The following DACT2 variants were observed in gnomAD, a reference collection of about 807,000 sequenced individuals.
The protein encoded by DACT2 is dapper homolog 2.
DACT2 carries 20 observed loss-of-function variants against 22.2 expected under a neutral mutation model. The observed-to-expected ratio is 0.90, with a 90% CI of 0.63 to 1.31. The LOEUF (loss-of-function observed/expected upper bound fraction) is 1.31. DACT2 is among the 50% of genes most tolerant of loss of function. DACT2 has a pLI of 0.00. For missense variants in DACT2, 1,048 were observed against 1,061.4 expected (o/e 0.99, Z 0.18); for synonymous variants, 463 against 479.8 (o/e 0.96, Z 0.46).
chr6:168,293,480 A>G (rs1778947173), exon 6 of DACT2: 1 of 164,450 alleles, frequency 6.1e-6, no homozygotes. Flanking sequence ...AGGGGCTTTA[A>G]AAAAAAATAA....
exon 6 of DACT2, chr6:168,293,038 A>G (rs1433967848): frequency 6.6e-6 from 1 of 152,212 alleles, no homozygotes; most frequent in Non-Finnish European, 1.5e-5. Flanking sequence ...GACACATTGT[A>G]AATAATTGAA....
At chr6:168,294,726 T>A (rs939765832) in intron 3 of DACT2, 4 of 1,374,112 alleles carry the variant, frequency 2.9e-6, no homozygotes, top group Non-Finnish European at 9.6e-7. Context: ...AAAATGCAAA[T>A]GTGCGTGAGA....
chr6:168,294,994 G>C (rs1012077095), intron 3 of DACT2, among the ~76,000 whole-genome samples: 1 of 152,192 alleles, frequency 6.6e-6, no homozygotes, highest in Admixed American at 6.5e-5. Flanking sequence ...ACCGAGTCTT[G>C]CTTGTGGAAC....
downstream of DACT2, among the ~76,000 whole-genome samples, chr6:168,305,966 T>C (rs1349243604): frequency 6.6e-6 from 1 of 152,202 alleles, no homozygotes; most frequent in Non-Finnish European, 1.5e-5. Flanking sequence ...TGGGAAATGC[T>C]TGCATTTTCT....
In DACT2 at chr6:168,319,589, G is replaced by T; in HGVS notation, c.45C>A (p.Arg15=). The change falls in exon 1 of 4, where the codon CGC becomes CGA. Residue 15 remains arginine (R), a synonymous_variant. Coordinates refer to ENST00000366795, the MANE Select transcript of DACT2 (RefSeq NM_214462.5). The stretch of plus-strand genomic sequence containing the variant: ...CGCGCAACCTCGCGCCCAACCTACG[G>T]CGGTCCCAGCCCGCGGACCCCGGGG... ...GGPPGSAGWD[R]RRLGARLRAA... The T allele has an allele frequency of 7.3e-7, 1 of 1,364,638 alleles. No individual in the cohort carries two copies. Among genetic ancestry groups the T allele is most frequent in the South Asian group, 1.6e-5 (1 of 61,752 alleles). The allele number at this position is 1,364,638 out of a possible 1,614,324, so 84.5% of individuals were successfully genotyped here. A position where few individuals can be genotyped will look rare whatever the true frequency, so the allele number is the denominator to read the frequency against.
chr6:168,315,804 A>C (rs973044640), intron 1 of DACT2, among the ~76,000 whole-genome samples: 2 of 152,212 alleles, frequency 1.3e-5, no homozygotes, highest in African/African-American at 4.8e-5. Context: ...AATGATGACC[A>C]ATGGACAGGT....
At chr6:168,310,112 C>T (rs777968235) in intron 3 of DACT2, 56 bp downstream of exon 3, 81 of 1,538,284 alleles carry the variant, frequency 5.3e-5, no homozygotes, top group Non-Finnish European at 6.1e-5. Context: ...GGGGACTGCA[C>T]TCTGCCATCC....
At position 168,308,872 on chromosome 6, in the gene DACT2, G is replaced by T. The variant is rs749030019; in HGVS notation, c.885C>A (p.Thr295=). ...GGAACGAGGGGCCACCTCTCTGTGGGGTTTCCTTAGTCAGGACAAACAGGG... is the reference window on the plus strand; with the variant it reads ...GGAACGAGGGGCCACCTCTCTGTGGTGTTTCCTTAGTCAGGACAAACAGGG... The part of the protein sequence containing the change: ...QSPLFVLTKE[T]PQRGGPSFPR... The change falls in exon 4 of 4, where the codon ACC becomes ACA. Residue 295 remains threonine (T), a synonymous_variant. Transcript: ENST00000366795. 1.3e-6 allele frequency: 2 copies of T among 1,551,032 alleles called. No homozygotes were observed. Among genetic ancestry groups the T allele is most frequent in the Admixed American group, 2.0e-5 (1 of 50,980 alleles).
rs372636178 is a variant in DACT2 at position 168,307,749 on chromosome 6, A to C, written c.2008T>G (p.Cys670Gly). Reference sequence around the variant, plus strand: ...ATGACTGACGGGAACCGCGGGTCACACTCGGCCGAGTGCTTGGAGGGCTCT... The same window carrying C: ...ATGACTGACGGGAACCGCGGGTCACCCTCGGCCGAGTGCTTGGAGGGCTCT... The part of the protein sequence containing the change: ...DSEPSKHSAE[C>G]DPRFPSVIPE... Residue 670 changes from cysteine (C) to glycine (G), a missense_variant, in exon 4 of 4, where the codon TGT (cysteine) becomes GGT (glycine). Coordinates refer to ENST00000366795, the MANE Select transcript of DACT2 (RefSeq NM_214462.5). This position sits in a 1 kb window ranked among gnomAD's most constrained non-coding sequence, Gnocchi z 5.3. 6.5e-7 allele frequency: 1 copy of C among 1,547,830 alleles called. No individual in the cohort carries two copies. Among genetic ancestry groups the C allele is most frequent in the African/African-American group, 1.4e-5 (1 of 72,936 alleles).
chr6:168,311,560 T>TACACACACA lies in DACT2; in HGVS notation c.247-277_247-276insTGTGTGTGT, dbSNP rs1562498431. Among the ~76,000 whole-genome samples, 4 of 37,450 alleles carry TACACACACA rather than the reference T, an allele frequency of 1.1e-4. 1 individual carries two copies. The highest frequency in any genetic ancestry group is 2.6e-3 in the East Asian group (2 of 756). 24.6% of individuals were successfully genotyped at this position (37,450 alleles called of 152,430 possible). A position where few individuals can be genotyped will look rare whatever the true frequency, so the allele number is the denominator to read the frequency against. On this transcript the variant is annotated intron_variant, in intron 1 of 3. Coordinates refer to ENST00000366795, the MANE Select transcript of DACT2 (RefSeq NM_214462.5). Reference sequence around the variant, plus strand: ...CCCATCCACACACACATACACACACTCACACACAAACACACACACCCATCC... The same window carrying TACACACACA: ...CCCATCCACACACACATACACACACTACACACACACACACACAAACACACACACCCATCC...
chr6:168,313,463 C>T (rs535334199), intron 1 of DACT2, among the ~76,000 whole-genome samples: 2 of 152,212 alleles, frequency 1.3e-5, no homozygotes, highest in Admixed American at 6.5e-5. Flanking sequence ...CCTTACCCTG[C>T]ACACTTTTAC....
At chr6:168,312,689 A>C (rs1243560917) in intron 1 of DACT2, among the ~76,000 whole-genome samples, 5 of 152,224 alleles carry the variant, frequency 3.3e-5, no homozygotes, top group African/African-American at 1.2e-4. Context: ...TAATTAATGA[A>C]TGTAATTATG....
downstream of DACT2, among the ~76,000 whole-genome samples, chr6:168,306,123 C>T (rs1410221385): frequency 2.0e-5 from 3 of 152,210 alleles, no homozygotes; most frequent in Non-Finnish European, 4.4e-5. Flanking sequence ...GAATATTTCA[C>T]GCCTCCTTCC....
In DACT2 at chr6:168,319,432, C is replaced by T; in HGVS notation, c.202G>A (p.Glu68Lys). Residue 68 changes from glutamate to lysine, a missense_variant, in exon 1 of 4, where the codon GAG (glutamate) becomes AAG (lysine). Coordinates refer to ENST00000366795, the MANE Select transcript of DACT2 (RefSeq NM_214462.5). ...PCGPHGLHGP[E>K]QQLEAALAAL... is the part of the protein sequence containing the mutation. ...GCCAGCGCCGCCTCCAGCTGCTGCT[C>T]GGGGCCGTGGAGGCCGTGGGGGCCG... The T allele has an allele frequency of 1.7e-6, 2 of 1,204,434 alleles. No individual in the cohort carries two copies. The highest frequency in any genetic ancestry group is 2.1e-6 in the Non-Finnish European group (2 of 970,938). 74.6% of individuals were successfully genotyped at this position (1,204,434 alleles called of 1,614,324 possible). A position where few individuals can be genotyped will look rare whatever the true frequency, so the allele number is the denominator to read the frequency against.
chr6:168,304,429 C>T (rs564450679), downstream of DACT2, among the ~76,000 whole-genome samples: 16 of 152,362 alleles, frequency 1.1e-4, no homozygotes, highest in East Asian at 5.8e-4. Flanking sequence ...AGCACCCTGT[C>T]GTCAGCCCTC....
intron 3 of DACT2, chr6:168,300,337 T>A (rs1779082209): frequency 6.6e-6 from 1 of 152,188 alleles, no homozygotes; most frequent in Non-Finnish European, 1.5e-5. Flanking sequence ...GGAAGGAAGC[T>A]CTCTCTCTCC....
chr6:168,311,963 T>C (rs13207327), intron 1 of DACT2, among the ~76,000 whole-genome samples: 99,457 of 151,994 alleles, frequency 0.65, 33,940 homozygotes, highest in East Asian at 0.94. Context: ...CTCTGGGTCC[T>C]TGGTGCCTGG....
At position 168,308,589 on chromosome 6, in the gene DACT2, C is replaced by T; in HGVS notation, c.1168G>A (p.Gly390Arg). 1.3e-6 allele frequency: 2 copies of T among 1,543,330 alleles called. No individual in the cohort carries two copies. Among genetic ancestry groups the T allele is most frequent in the South Asian group, 1.2e-5 (1 of 83,732 alleles). The change falls in exon 4 of 4, where the codon GGA (glycine) becomes AGA (arginine). Residue 390 changes from glycine (G) to arginine (R), a missense_variant. Transcript: ENST00000366795. The stretch of plus-strand genomic sequence containing the variant: ...GCACCCCTGCTCTGAGCTGGCCCTC[C>T]CTCGTCCTCCCTCCCTGGGGCGAAG... ...LVFAPGREDE[G>R]GPAQSRGAGR...
chr6:168,314,590 C>T lies in DACT2; in HGVS notation c.247-3306G>A, dbSNP rs147414037. On this transcript the variant is annotated intron_variant, in intron 1 of 3. Transcript: ENST00000366795. ...CCCTTTCTTTGCAATGCATTCTTTA[C>T]GCACCACAAGAGAATGACCTGATTT... Among the ~76,000 whole-genome samples, 8 of 152,324 alleles carry T rather than the reference C, an allele frequency of 5.3e-5. No homozygotes were observed. The South Asian group carries it at 6.2e-4, about 12-fold the overall frequency.
Sources: gnomAD v4.1 joint callset for allele counts (sites outside exome capture counted in the v4.1 genomes callset) on GRCh38, gnomAD v4.1.1 for gene constraint, Gnocchi (gnomAD v3.1) non-coding constraint, MANE v1.5 for transcripts, NCBI Gene and HGNC (gene_info 2026-07-23, HGNC 2026-07-21) for gene names.